The following PAAF1 variants were observed in gnomAD, a reference collection of about 807,000 sequenced individuals.
PAAF1 encodes proteasomal ATPase associated factor 1, also known as proteasomal ATPase-associated factor 1.
Under a neutral mutation model 52.8 loss-of-function variants are expected in PAAF1, and 46 were observed. The observed-to-expected ratio is 0.87, with a 90% CI of 0.69 to 1.11. The LOEUF is 1.11. Among genes scored for constraint, PAAF1 ranks in the 50% most tolerant of loss-of-function variants. The pLI is 0.00. For synonymous variants in PAAF1, 178 were observed against 172.8 expected, an observed-to-expected ratio of 1.03 and a Z score of -0.24; for missense variants, 424 against 477.4, an observed-to-expected ratio of 0.89 and a Z score of 1.04.
Position 73,927,328 on chromosome 11 carries a change from G to A in PAAF1, c.1145G>A (p.Gly382Asp), listed in dbSNP as rs1950390717. The A allele has an allele frequency of 6.2e-7, 1 of 1,614,160 alleles. No individual in the cohort carries two copies. Among genetic ancestry groups the A allele is most frequent in the Admixed American group, 1.7e-5 (1 of 60,026 alleles). The stretch of plus-strand genomic sequence containing the variant: ...CAGATCTACACATGCTGTCGAGACG[G>A]TCTTGTACGACGCTACCAGCTTTCT... ...EKQIYTCCRD[G>D]LVRRYQLSDL The change falls in exon 12 of 12, where the codon GGT becomes GAT. Residue 382 changes from glycine (G) to aspartate (D), a missense_variant. Physicochemically the swap from Gly to Asp is moderately conservative, Grantham distance 94. Coordinates refer to ENST00000310571, the MANE Select transcript of PAAF1 (RefSeq NM_025155.3).
intron 2 of PAAF1, among the ~76,000 whole-genome samples, chr11:73,882,476 C>T (rs1325086106): frequency 2.6e-5 from 4 of 151,508 alleles, no homozygotes; most frequent in Admixed American, 6.6e-5. Context: ...GATGGAGTTT[C>T]GCTCTTGTCG....
intron 10 of PAAF1, among the ~76,000 whole-genome samples, chr11:73,923,735 C>A (rs1028261232): frequency 3.9e-5 from 6 of 151,992 alleles, no homozygotes; most frequent in African/African-American, 1.4e-4. Flanking sequence ...TTTATATTAA[C>A]AAAAAGAAAT....
intron 4 of PAAF1, among the ~76,000 whole-genome samples, chr11:73,893,549 C>A (rs1284937541): frequency 2.0e-5 from 3 of 151,606 alleles, no homozygotes; most frequent in Non-Finnish European, 2.9e-5. Flanking sequence ...CCAGCCTGGA[C>A]AACATGGCGA....
chr11:73,888,880 T>A (rs1949129785), intron 3 of PAAF1: 1 of 439,324 alleles, frequency 2.3e-6, no homozygotes, highest in South Asian at 6.9e-5. Flanking sequence ...CCTAGAATGG[T>A]TAATGGGGAA....
At chr11:73,902,920 C>G (rs1467655467) in intron 6 of PAAF1, among the ~76,000 whole-genome samples, 1 of 152,156 alleles carries the variant, frequency 6.6e-6, no homozygotes, top group African/African-American at 2.4e-5. Flanking sequence ...AGGCTGGTCT[C>G]AAACTCCTGA....
intron 7 of PAAF1, among the ~76,000 whole-genome samples, chr11:73,910,346 G>A (rs1178371129): frequency 6.6e-6 from 1 of 152,192 alleles, no homozygotes; most frequent in East Asian, 1.9e-4. Flanking sequence ...AGTTGAAGTT[G>A]AACAGACAGT....
chr11:73,909,698 G>T, intron 7 of PAAF1, 105 bp downstream of exon 7: 1 of 1,017,762 alleles, frequency 9.8e-7, no homozygotes, highest in Non-Finnish European at 1.4e-6. Flanking sequence ...TCTGTGCCTG[G>T]TATTTCTGTT....
chr11:73,898,497 T>A (rs2135169729), intron 4 of PAAF1, among the ~76,000 whole-genome samples: 1 of 152,130 alleles, frequency 6.6e-6, no homozygotes, highest in African/African-American at 2.4e-5. Flanking sequence ...ATTACACAGG[T>A]GTGAGCCACT....
At position 73,914,457 on chromosome 11, in the gene PAAF1, C is replaced by G. The variant is rs754382858; in HGVS notation, c.772C>G (p.Arg258Gly). ...GTEAKMLLLA[R>G]EDKKLQCLGL... is the part of the protein sequence containing the mutation. ...AGAGGCCAAAATGCTGCTCTTGGCC[C>G]GGGAAGATAAGAAACTTCAGTGCTT... The change falls in exon 8 of 12, where the codon CGG (arginine) becomes GGG (glycine). Residue 258 changes from arginine to glycine, a missense_variant. Coordinates refer to ENST00000310571, the MANE Select transcript of PAAF1 (RefSeq NM_025155.3). 6.2e-7 allele frequency: 1 copy of G among 1,613,822 alleles called. No individual in the cohort carries two copies. The highest frequency in any genetic ancestry group is 2.2e-5 in the East Asian group (1 of 44,882).
In PAAF1 at chr11:73,878,802, T is replaced by C. The variant is rs1259354190; in HGVS notation, c.71T>C (p.Leu24Pro). ...ALRKDEGEAW[L>P]SCHPPGKPSL... is the part of the protein sequence containing the mutation. ...AGGAAGGATGAAGGGGAGGCCTGGCTGAGCTGTCATCCCCCAGGTAATACC... is the reference window on the plus strand; with the variant it reads ...AGGAAGGATGAAGGGGAGGCCTGGCCGAGCTGTCATCCCCCAGGTAATACC... Residue 24 changes from leucine to proline, a missense_variant, in exon 2 of 12, where the codon CTG becomes CCG. By Grantham distance (98) the Leu-to-Pro change is moderately conservative. Coordinates refer to ENST00000310571, the MANE Select transcript of PAAF1 (RefSeq NM_025155.3). The C allele has an allele frequency of 6.2e-7, 1 of 1,613,726 alleles. No homozygotes were observed. The highest frequency in any genetic ancestry group is 1.3e-5 in the African/African-American group (1 of 74,916).
intron 4 of PAAF1, among the ~76,000 whole-genome samples, chr11:73,892,342 A>G (rs1199529586): frequency 6.7e-6 from 1 of 149,762 alleles, no homozygotes; most frequent in Non-Finnish European, 1.5e-5. Context: ...AAAAAAAAAA[A>G]GAAAGAAAGA....
rs1948976168 is a variant in PAAF1 at position 73,883,544 on chromosome 11, C to T, written c.89-3810C>T. On this transcript the variant is annotated intron_variant, in intron 2 of 11. Transcript: ENST00000310571. ...TTCTTTCTTTTTTTTTTGAGAGTCT[C>T]ACTGTGTCGTCTAGGCTGAAGTATA... Among the ~76,000 whole-genome samples, 6 of 151,674 alleles carry T rather than the reference C, an allele frequency of 4.0e-5. No homozygotes were observed. In the South Asian group the frequency reaches 1.2e-3, roughly 32 times the overall value.
chr11:73,926,635 G>A (rs933711498), intron 11 of PAAF1, among the ~76,000 whole-genome samples: 5 of 152,144 alleles, frequency 3.3e-5, no homozygotes, highest in Admixed American at 6.5e-5. Context: ...CGTGAACCCG[G>A]GAGGCGGAGC....
At chr11:73,926,002 T>C (rs1950343654) in intron 11 of PAAF1, among the ~76,000 whole-genome samples, 1 of 150,350 alleles carries the variant, frequency 6.7e-6, no homozygotes, top group Non-Finnish European at 1.5e-5. Context: ...TATCTTCAGT[T>C]TGTACGTAAT....
At chr11:73,896,306 ATT>A (rs5792635) in intron 4 of PAAF1, among the ~76,000 whole-genome samples, 2,192 of 116,546 alleles carry the variant, frequency 0.019, 48 homozygotes, top group African/African-American at 0.063. Flanking sequence ...TTTTTTATTT[ATT>A]TTTTTTTTTA....
intron 2 of PAAF1, among the ~76,000 whole-genome samples, chr11:73,881,470 TAG>T (rs1948904744): frequency 6.6e-6 from 1 of 152,104 alleles, no homozygotes; most frequent in African/African-American, 2.4e-5. Context: ...GTATTTTTAG[TAG>T]AGACAGGGTT....
chr11:73,896,764 C>G (rs1181425393), intron 4 of PAAF1, among the ~76,000 whole-genome samples: 2 of 152,350 alleles, frequency 1.3e-5, no homozygotes, highest in African/African-American at 4.8e-5. Context: ...CCTTTCTATT[C>G]TACAAAACCG....
intron 4 of PAAF1, among the ~76,000 whole-genome samples, chr11:73,897,002 G>A (rs1591069877): frequency 7.2e-6 from 1 of 138,626 alleles, no homozygotes; most frequent in East Asian, 2.2e-4. Flanking sequence ...CTCCCTCCTG[G>A]ACGGGGCGGC....
In PAAF1 at chr11:73,912,160, C is replaced by T. The variant is rs553667275; in HGVS notation, c.728-2253C>T. Among the ~76,000 whole-genome samples the T allele has an allele frequency of 1.8e-3, 273 of 152,292 alleles. 1 individual carries two copies. Among genetic ancestry groups the T allele is most frequent in the Non-Finnish European group, 2.9e-3 (195 of 68,028 alleles). ...TACCTTTAAATACTAGAGGGCCCCA[C>T]TATTAAGTTCTGGGCCCTCAGCTAT... On this transcript the variant is annotated intron_variant, in intron 7 of 11. Transcript: ENST00000310571.
Sources: allele counts gnomAD v4.1 joint callset (sites outside exome capture counted in the v4.1 genomes callset), GRCh38; gene constraint gnomAD v4.1.1; transcripts MANE v1.5; gene names NCBI Gene and HGNC (gene_info 2026-07-23, HGNC 2026-07-21).